The following TLE3 variants were observed in gnomAD, a reference collection of about 807,000 sequenced individuals.
TLE3 encodes transducin-like enhancer protein 3.
A neutral mutation model predicts 93.0 loss-of-function variants in TLE3; 14 were observed. That is an observed-to-expected ratio of 0.15 (90% CI 0.10 to 0.24). TLE3 has a LOEUF of 0.24. Ranked by LOEUF, TLE3 falls within the 10% of genes least tolerant of loss-of-function variation. The pLI is 1.00. For missense variants in TLE3, 693 were observed against 1,046.6 expected, an observed-to-expected ratio of 0.66 and a Z score of 4.66; for synonymous variants, 451 against 425.0, an observed-to-expected ratio of 1.06 and a Z score of -0.75.
intron 2 of TLE3, 56 bp from the exon 3 acceptor site, chr15:70,095,697 G>A (rs1267947927): frequency 1.3e-6 from 2 of 1,542,606 alleles, no homozygotes; most frequent in Non-Finnish European, 1.7e-6. Context: ...CTCCTCTGAG[G>A]CCCCGACCCA....
At chr15:70,095,177 A>G (rs1398080949) in intron 3 of TLE3, among the ~76,000 whole-genome samples, 1 of 152,202 alleles carries the variant, frequency 6.6e-6, no homozygotes, top group African/African-American at 2.4e-5. Flanking sequence ...AAAGCAGAAA[A>G]GTTTCCAAAC....
chr15:70,051,290 G>A, intron 19 of TLE3, 101 bp downstream of exon 19: 4 of 1,225,190 alleles, frequency 3.3e-6, no homozygotes, highest in Non-Finnish European at 4.5e-6. Flanking sequence ...CCTGGCTCCA[G>A]GCTCCTCCTG....
In TLE3 at chr15:70,058,595, A is replaced by G. The variant is rs2056247090; in HGVS notation, c.918+68T>C. On this transcript the variant is annotated intron_variant, in intron 11 of 19. Coordinates refer to ENST00000451782, the MANE Select transcript of TLE3 (RefSeq NM_001105192.3). This position sits in a 1 kb window ranked among gnomAD's most constrained non-coding sequence, Gnocchi z 4.1. The stretch of plus-strand genomic sequence containing the variant: ...TCCCACTCCACCCCTCTGCCTGCCA[A>G]TCGGCACCACCCCAGCTCCAGTCCC... The G allele has an allele frequency of 5.3e-6, 8 of 1,498,768 alleles. No homozygotes were observed. The highest frequency in any genetic ancestry group is 2.4e-4 in the Middle Eastern group (1 of 4,246). 92.8% of individuals were successfully genotyped at this position (1,498,768 alleles called of 1,614,324 possible).
rs757242205 is a variant in TLE3 at position 70,058,142 on chromosome 15, G to C, written c.1051+17C>G. 6.2e-7 allele frequency: 1 copy of C among 1,613,926 alleles called. No individual in the cohort carries two copies. The highest frequency in any genetic ancestry group is 8.5e-7 in the Non-Finnish European group (1 of 1,179,860). On this transcript the variant is annotated intron_variant, in intron 12 of 19. Transcript: ENST00000451782. The surrounding 1 kb of genome is among the most constrained non-coding windows in gnomAD (Gnocchi z 4.1). ...CCCAATCAGATTAACCCAGCCCATGGTGCCTACCCATTATACCTATCGGGT... is the reference window on the plus strand; with the variant it reads ...CCCAATCAGATTAACCCAGCCCATGCTGCCTACCCATTATACCTATCGGGT...
chr15:70,058,690 A>C lies in TLE3; in HGVS notation c.891T>G (p.Pro297=). The C allele has an allele frequency of 6.2e-7, 1 of 1,606,660 alleles. No individual in the cohort carries two copies. Among genetic ancestry groups the C allele is most frequent in the South Asian group, 1.1e-5 (1 of 89,498 alleles). ...PASVASSSST[P]SSKTKDLGHN... ...GACCAAGGTCTTTGGTCTTGGAGGAAGGTGTGCTACTGGAAGAGGCCACCG... is the reference window on the plus strand; with the variant it reads ...GACCAAGGTCTTTGGTCTTGGAGGACGGTGTGCTACTGGAAGAGGCCACCG... Residue 297 remains proline, a synonymous_variant, in exon 11 of 20, where the codon CCT becomes CCG. Coordinates refer to ENST00000451782, the MANE Select transcript of TLE3 (RefSeq NM_001105192.3). The surrounding 1 kb of genome is among the most constrained non-coding windows in gnomAD (Gnocchi z 4.1).
chr15:70,074,278 T>A (rs1160807187), intron 6 of TLE3, among the ~76,000 whole-genome samples: 1 of 152,164 alleles, frequency 6.6e-6, no homozygotes, highest in Admixed American at 6.5e-5. Flanking sequence ...CAGTGGAAGA[T>A]GAGGCAGATG....
Position 70,058,106 on chromosome 15 carries a change from G to C in TLE3, c.1051+53C>G. On this transcript the variant is annotated intron_variant, in intron 12 of 19. Coordinates refer to ENST00000451782, the MANE Select transcript of TLE3 (RefSeq NM_001105192.3). The surrounding 1 kb of genome is among the most constrained non-coding windows in gnomAD (Gnocchi z 4.1). The stretch of plus-strand genomic sequence containing the variant: ...GTCACCCCTGCCCTGGCCAAGAGCA[G>C]ACCCCCTCCCCCCAATCAGATTAAC... The C allele has an allele frequency of 6.2e-7, 1 of 1,612,592 alleles. No individual in the cohort carries two copies. The highest frequency in any genetic ancestry group is 8.5e-7 in the Non-Finnish European group (1 of 1,179,302).
chr15:70,090,741 C>G (rs1375740626), intron 4 of TLE3, among the ~76,000 whole-genome samples: 1 of 152,194 alleles, frequency 6.6e-6, no homozygotes, highest in Non-Finnish European at 1.5e-5. Context: ...AATCTTTCCT[C>G]TGGGATTGCT....
At position 70,094,886 on chromosome 15, in the gene TLE3, CACTGG is replaced by C. The variant is rs1298288521; in HGVS notation, c.190-315_190-311del. The C allele has an allele frequency of 6.7e-4, 212 of 314,742 alleles. 3 individuals are homozygous for C. In the South Asian group the frequency reaches 0.012, roughly 18 times the overall value. The allele number at this position is 314,742 out of a possible 1,614,324, so 19.5% of individuals were successfully genotyped here. On this transcript the variant is annotated intron_variant, in intron 3 of 19. Coordinates refer to ENST00000451782, the MANE Select transcript of TLE3 (RefSeq NM_001105192.3). ...CAGGTTCAACAGGGAATCGTGTGTACACTGGGACCCTCTTGTCCTCTGAGAGTTAT... is the reference window on the plus strand; with the variant it reads ...CAGGTTCAACAGGGAATCGTGTGTACGACCCTCTTGTCCTCTGAGAGTTAT...
Position 70,097,463 on chromosome 15 carries a change from G to C in TLE3, c.-665C>G, listed in dbSNP as rs931145518. 4.8e-6 allele frequency: 2 copies of C among 416,814 alleles called. No individual in the cohort carries two copies. Among genetic ancestry groups the C allele is most frequent in the Non-Finnish European group, 8.4e-6 (2 of 237,988 alleles). The allele number at this position is 416,814 out of a possible 1,614,324, so 25.8% of individuals were successfully genotyped here. On this transcript the variant is annotated 5_prime_UTR_variant, in exon 1 of 20. Coordinates refer to ENST00000451782, the MANE Select transcript of TLE3 (RefSeq NM_001105192.3). Reference sequence around the variant, plus strand: ...GTCTGCTACTGCCGCTGCCGCCGCCGCCGCCGCCGCTGCAAGCCCTTCCCA... The same window carrying C: ...GTCTGCTACTGCCGCTGCCGCCGCCCCCGCCGCCGCTGCAAGCCCTTCCCA...
intron 2 of TLE3, 94 bp downstream of exon 2, chr15:70,096,067 C>T (rs2058543497): frequency 7.1e-7 from 1 of 1,404,616 alleles, no homozygotes; most frequent in Non-Finnish European, 9.6e-7. Flanking sequence ...GCCCCTAGGT[C>T]GGGAGCCCCC....
chr15:70,086,418 G>C (rs2058039912), intron 4 of TLE3, among the ~76,000 whole-genome samples: 1 of 152,202 alleles, frequency 6.6e-6, no homozygotes, highest in Admixed American at 6.5e-5. Flanking sequence ...GTGGGTGAAA[G>C]GCCGCCTCCT....
intron 19 of TLE3, chr15:70,050,493 T>C (rs893765505): frequency 9.4e-6 from 3 of 319,438 alleles, no homozygotes; most frequent in East Asian, 6.2e-5. Context: ...TAAGTCATAA[T>C]GATCAGAACA....
intron 8 of TLE3, among the ~76,000 whole-genome samples, chr15:70,061,545 C>T (rs1218952413): frequency 2.0e-5 from 3 of 152,114 alleles, no homozygotes. Context: ...GGTCAGAAAT[C>T]ACCATGTGGC....
intron 19 of TLE3, 51 bp from the exon 20 acceptor site, chr15:70,050,255 G>A (rs549543060): frequency 6.4e-5 from 90 of 1,402,614 alleles, no homozygotes; most frequent in Non-Finnish European, 8.6e-5. Flanking sequence ...GGTGCAGGGA[G>A]AAAAAAGACA....
At chr15:70,090,978 A>G (rs1039089862) in intron 4 of TLE3, among the ~76,000 whole-genome samples, 2 of 152,200 alleles carry the variant, frequency 1.3e-5, no homozygotes, top group Non-Finnish European at 2.9e-5. Flanking sequence ...CTAGAAAAGG[A>G]GCACTCTTCA....
chr15:70,059,899 C>T (rs1327571196), intron 9 of TLE3, among the ~76,000 whole-genome samples: 2 of 152,254 alleles, frequency 1.3e-5, no homozygotes, highest in Admixed American at 6.5e-5. Context: ...CACAGAAACA[C>T]AGCTGAGTGT....
At position 70,096,212 on chromosome 15, in the gene TLE3, G is replaced by A. The variant is rs929315506; in HGVS notation, c.74C>T (p.Ser25Phe). The A allele has an allele frequency of 1.3e-6, 2 of 1,561,876 alleles. No individual in the cohort carries two copies. Among genetic ancestry groups the A allele is most frequent in the Non-Finnish European group, 1.7e-6 (2 of 1,152,800 alleles). Residue 25 changes from serine (S) to phenylalanine (F), a missense_variant, in exon 2 of 20, where the codon TCT becomes TTT. Around this residue, in one of 4 missense-constraint regions of TLE3, gnomAD observed 104 missense variants for 173.8 expected, o/e 0.60. Transcript: ENST00000451782. The part of the protein sequence containing the change: ...QPGFKFTVAE[S>F]CDRIKDEFQF... ...GAATTCGTCTTTGATCCTGTCACAAGACTCAGCCACCGTGAATTTAAATCC... is the reference window on the plus strand; with the variant it reads ...GAATTCGTCTTTGATCCTGTCACAAAACTCAGCCACCGTGAATTTAAATCC...
chr15:70,072,213 C>T (rs1209809843), intron 6 of TLE3, among the ~76,000 whole-genome samples: 1 of 152,190 alleles, frequency 6.6e-6, no homozygotes, highest in Non-Finnish European at 1.5e-5. Flanking sequence ...CTTGTAGCTT[C>T]CTGAATACTA....
Sources: allele counts gnomAD v4.1 joint callset (sites outside exome capture counted in the v4.1 genomes callset), GRCh38; gene constraint gnomAD v4.1.1; regional missense constraint gnomAD v4.1.1; non-coding constraint Gnocchi (gnomAD v3.1); transcripts MANE v1.5; gene names NCBI Gene and HGNC (gene_info 2026-07-23, HGNC 2026-07-21).